SOX30: variants seen among roughly 807,000 people sequenced by gnomAD.
The protein encoded by SOX30 is transcription factor SOX-30.
A neutral mutation model predicts 58.6 loss-of-function variants in SOX30; 17 were observed. The observed-to-expected ratio is 0.29, with a 90% CI of 0.20 to 0.44. The LOEUF (loss-of-function observed/expected upper bound fraction) is 0.44, where lower values mean the gene tolerates loss of function less well. Among genes scored for constraint, SOX30 ranks in the 20% least tolerant of loss-of-function variants. The pLI, the probability that SOX30 is intolerant of heterozygous loss-of-function variation, is 1.00. For missense variants in SOX30, 951 were observed against 965.8 expected, an observed-to-expected ratio of 0.98 and a Z score of 0.20; for synonymous variants, 421 against 400.2, an observed-to-expected ratio of 1.05 and a Z score of -0.62.
chr5:157,651,218 G>A lies in SOX30; in HGVS notation c.861C>T (p.Thr287=). 1.2e-6 allele frequency: 2 copies of A among 1,613,840 alleles called. No homozygotes were observed. Among genetic ancestry groups the A allele is most frequent in the Non-Finnish European group, 1.7e-6 (2 of 1,179,844 alleles). ...GAPPSELIRL[T]KVPLTPVPTK... is the part of the protein sequence containing the mutation. ...TAGGCACTGGTGTCAGGGGGACCTT[G>A]GTCAATCTTATCAGCTCTGAAGGCG... Residue 287 remains threonine, a synonymous_variant, in exon 1 of 5, where the codon ACC becomes ACT. Transcript: ENST00000265007.
intron 3 of SOX30, among the ~76,000 whole-genome samples, chr5:157,645,908 T>C (rs1211422619): frequency 6.6e-6 from 1 of 151,602 alleles, no homozygotes; most frequent in Non-Finnish European, 1.5e-5. Context: ...TAATCCCAGC[T>C]AGTCGGGAGG....
intron 3 of SOX30, among the ~76,000 whole-genome samples, chr5:157,645,650 A>C (rs1206598776): frequency 6.6e-5 from 10 of 150,796 alleles, no homozygotes; most frequent in Non-Finnish European, 1.0e-4. Context: ...CAACAGAGTG[A>C]GACCCTGTCT....
intron 2 of SOX30, 69 bp downstream of exon 2, chr5:157,648,588 A>G: frequency 6.8e-6 from 10 of 1,467,922 alleles, no homozygotes; most frequent in Non-Finnish European, 3.7e-6. Flanking sequence ...TTTCAATCTC[A>G]ACCTACCCTA....
intron 4 of SOX30, among the ~76,000 whole-genome samples, chr5:157,628,866 T>C (rs1758724031): frequency 6.6e-6 from 1 of 151,980 alleles, no homozygotes; most frequent in Admixed American, 6.6e-5. Context: ...GTCTCGAAAT[T>C]CTGACCTCAG....
intron 3 of SOX30, among the ~76,000 whole-genome samples, chr5:157,639,324 G>C (rs992180608): frequency 1.3e-5 from 2 of 152,040 alleles, no homozygotes; most frequent in African/African-American, 4.8e-5. Context: ...AGGGGTTTCA[G>C]AGTAGCAGTA....
At chr5:157,666,981 C>T (rs557125138) in intron 2 of SOX30, among the ~76,000 whole-genome samples, 2 of 152,310 alleles carry the variant, frequency 1.3e-5, no homozygotes, top group South Asian at 2.1e-4. Context: ...GCTGGGATTA[C>T]AGGCATGAGC....
chr5:157,642,315 CAAA>C (rs11317659), intron 3 of SOX30, among the ~76,000 whole-genome samples: 6 of 116,940 alleles, frequency 5.1e-5, no homozygotes, highest in Non-Finnish European at 7.7e-5. Context: ...GATTCCCTCT[CAAA>C]AAAAAAAAAA....
chr5:157,670,949 C>A (rs1247593507), intron 1 of SOX30, among the ~76,000 whole-genome samples: 3 of 152,070 alleles, frequency 2.0e-5, no homozygotes, highest in African/African-American at 7.2e-5. Context: ...TTAACGAGAG[C>A]GAGGCACCAC....
intron 2 of SOX30, among the ~76,000 whole-genome samples, chr5:157,664,805 C>T (rs961584637): frequency 6.6e-6 from 1 of 152,192 alleles, no homozygotes; most frequent in Non-Finnish European, 1.5e-5. Flanking sequence ...ACAGACCCTT[C>T]TCAAAAGAAG....
At chr5:157,667,046 G>A (rs1408375242) in intron 2 of SOX30, among the ~76,000 whole-genome samples, 4 of 152,158 alleles carry the variant, frequency 2.6e-5, no homozygotes, top group African/African-American at 9.7e-5. Flanking sequence ...TCCAACCCAG[G>A]TGTCTCTTCC....
At chr5:157,647,340 G>A (rs556889179) in intron 2 of SOX30, among the ~76,000 whole-genome samples, 1 of 152,174 alleles carries the variant, frequency 6.6e-6, no homozygotes, top group African/African-American at 2.4e-5. Flanking sequence ...GATTACAGGC[G>A]AGAGCCACTG....
Position 157,651,093 on chromosome 5 carries a change from C to T in SOX30, c.967+19G>A, listed in dbSNP as rs371722522. The T allele has an allele frequency of 1.3e-6, 2 of 1,506,494 alleles. No individual in the cohort carries two copies. Among genetic ancestry groups the T allele is most frequent in the Non-Finnish European group, 1.8e-6 (2 of 1,125,764 alleles). 93.3% of individuals were successfully genotyped at this position (1,506,494 alleles called of 1,614,324 possible). On this transcript the variant is annotated intron_variant, in intron 1 of 4. Coordinates refer to ENST00000265007, the MANE Select transcript of SOX30 (RefSeq NM_178424.2). ...CACAGACGCAGTTTTGAAAACCCGA[C>T]TCCCCTGCTGTCTAATACCTGCATC...
At chr5:157,667,264 T>C (rs1383786882) in intron 2 of SOX30, among the ~76,000 whole-genome samples, 1 of 152,236 alleles carries the variant, frequency 6.6e-6, no homozygotes, top group African/African-American at 2.4e-5. Flanking sequence ...GAGTATTCAT[T>C]GTGCCTGAAG....
intron 4 of SOX30, among the ~76,000 whole-genome samples, chr5:157,628,883 C>T (rs191895523): frequency 8.5e-5 from 13 of 152,110 alleles, no homozygotes; most frequent in African/African-American, 1.7e-4. Context: ...TCAGGTGATC[C>T]GCCCGCCTCA....
At chr5:157,644,222 T>C (rs1759136840) in intron 3 of SOX30, among the ~76,000 whole-genome samples, 1 of 152,148 alleles carries the variant, frequency 6.6e-6, no homozygotes, top group South Asian at 2.1e-4. Context: ...CTCGAACTCC[T>C]AGGCTCCCAA....
At chr5:157,649,676 G>C (rs1157504094) in intron 1 of SOX30, among the ~76,000 whole-genome samples, 1 of 152,146 alleles carries the variant, frequency 6.6e-6, no homozygotes, top group East Asian at 1.9e-4. Flanking sequence ...TGTAGTCCCA[G>C]CTACCTAGGA....
chr5:157,649,187 C>A (rs1759267667), intron 1 of SOX30, among the ~76,000 whole-genome samples: 1 of 152,012 alleles, frequency 6.6e-6, no homozygotes, highest in Non-Finnish European at 1.5e-5. Flanking sequence ...CTTATTACTT[C>A]TTTGATCTGT....
intron 4 of SOX30, among the ~76,000 whole-genome samples, chr5:157,637,425 T>G (rs1758956721): frequency 6.6e-6 from 1 of 152,166 alleles, no homozygotes; most frequent in African/African-American, 2.4e-5. Context: ...CTATTCAAAG[T>G]GTGGTCCGTA....
rs538593832 is a variant in SOX30, at chr5:157,666,661, C to G, written c.52+1137G>C. On this transcript the variant is annotated intron_variant, in intron 2 of 5. Transcript: ENST00000519442. ...TCAAACATGATCTCATTGAATCCTCCCAACAGCAGAATAGGTAATTTTATT... is the reference window on the plus strand; with the variant it reads ...TCAAACATGATCTCATTGAATCCTCGCAACAGCAGAATAGGTAATTTTATT... Among the ~76,000 whole-genome samples the G allele has an allele frequency of 2.0e-4, 31 of 152,208 alleles. No individual in the cohort carries two copies. The South Asian group carries it at 5.6e-3, about 28-fold the overall frequency.
Sources: allele counts gnomAD v4.1 joint callset (sites outside exome capture counted in the v4.1 genomes callset), GRCh38; gene constraint gnomAD v4.1.1; transcripts MANE v1.5; gene names NCBI Gene and HGNC (gene_info 2026-07-23, HGNC 2026-07-21).